The following FGD6 variants were observed in gnomAD, a reference collection of about 807,000 sequenced individuals.
FGD6 encodes the protein FYVE, RhoGEF and PH domain containing 6, also known as FYVE, RhoGEF and PH domain-containing protein 6.
In FGD6, 90 loss-of-function variants were observed where a neutral mutation model predicts 149.4. The observed-to-expected ratio is 0.60, with a 90% CI of 0.51 to 0.72. The LOEUF (loss-of-function observed/expected upper bound fraction) is 0.72, where lower values mean the gene tolerates loss of function less well. Among genes scored for constraint, FGD6 ranks in the 30% least tolerant of loss-of-function variants. The pLI is 0.00. For synonymous variants in FGD6, 527 were observed against 584.0 expected (o/e 0.90, Z 1.41); for missense variants, 1,437 against 1,684.8 (o/e 0.85, Z 2.57).
At chr12:95,189,653 GAA>G (rs10582401) in intron 2 of FGD6, 80,157 of 124,086 alleles carry the variant, frequency 0.65, 24,960 homozygotes, top group Middle Eastern at 0.71. Context: ...TGTTTCATAG[GAA>G]AAAAAAAAAA....
chr12:95,186,034 A>G (rs1213496903), intron 2 of FGD6, among the ~76,000 whole-genome samples: 1 of 152,072 alleles, frequency 6.6e-6, no homozygotes, highest in Non-Finnish European at 1.5e-5. Flanking sequence ...GGCAAGAGGA[A>G]CTGAAAGTTG....
chr12:95,129,299 G>C (rs866288105), intron 8 of FGD6, among the ~76,000 whole-genome samples: 10 of 82,454 alleles, frequency 1.2e-4, no homozygotes, highest in Admixed American at 9.0e-4. Flanking sequence ...ATGCATCCAT[G>C]CATGCATGCA....
intron 8 of FGD6, among the ~76,000 whole-genome samples, chr12:95,118,375 G>C (rs932181611): frequency 6.6e-6 from 1 of 151,134 alleles, no homozygotes; most frequent in Non-Finnish European, 1.5e-5. Flanking sequence ...AAGAGAGAGA[G>C]AGAAAGGATG....
chr12:95,080,796 G>T lies in FGD6; in HGVS notation c.*724C>A, dbSNP rs1197393946. The T allele has an allele frequency of 6.6e-6, 1 of 152,112 alleles. No individual in the cohort carries two copies. Among genetic ancestry groups the T allele is most frequent in the East Asian group, 1.9e-4 (1 of 5,198 alleles). The allele number at this position is 152,112 out of a possible 1,614,324, so 9.4% of individuals were successfully genotyped here. ...TTTAAAAGATTGGACTTAAAAGCCG[G>T]AAGAGTTGGTTATTTGTGGTATTCT... On this transcript the variant is annotated 3_prime_UTR_variant, in exon 21 of 21. Coordinates refer to ENST00000343958, the MANE Select transcript of FGD6 (RefSeq NM_018351.4).
At position 95,152,908 on chromosome 12, in the gene FGD6, T is replaced by C; in HGVS notation, c.2654+18A>G. 6.2e-7 allele frequency: 1 copy of C among 1,613,894 alleles called. No homozygotes were observed. Among genetic ancestry groups the C allele is most frequent in the East Asian group, 2.2e-5 (1 of 44,836 alleles). Reference sequence around the variant, plus strand: ...ATGGGGGGAAAACAGTCTTCTGAATTGTAAACTAGATACCTACACTTTCTC... The same window carrying C: ...ATGGGGGGAAAACAGTCTTCTGAATCGTAAACTAGATACCTACACTTTCTC... On this transcript the variant is annotated intron_variant, in intron 4 of 20. Coordinates refer to ENST00000343958, the MANE Select transcript of FGD6 (RefSeq NM_018351.4).
At chr12:95,102,369 G>A (rs542995386) in intron 14 of FGD6, among the ~76,000 whole-genome samples, 25 of 150,016 alleles carry the variant, frequency 1.7e-4, no homozygotes, top group Non-Finnish European at 3.4e-4. Flanking sequence ...GCTTGAAGCC[G>A]GGAGGCGGGG....
chr12:95,089,391 G>A (rs901472860), intron 18 of FGD6, among the ~76,000 whole-genome samples, 178 bp downstream of exon 18: 2 of 152,160 alleles, frequency 1.3e-5, no homozygotes, highest in Non-Finnish European at 2.9e-5. Flanking sequence ...AATGACTTAG[G>A]TCAGACGGGA....
Position 95,084,505 on chromosome 12 carries a change from C to T in FGD6, c.4249G>A (p.Ala1417Thr), listed in dbSNP as rs1223034061. 1 of 1,559,540 alleles carries T rather than the reference C, an allele frequency of 6.4e-7. No homozygotes were observed. Residue 1417 changes from alanine to threonine, a missense_variant, in exon 20 of 21, where the codon GCT (alanine) becomes ACT (threonine). Physicochemically the swap from Ala to Thr is moderately conservative, Grantham distance 58. Around this residue, in one of 2 missense-constraint regions of FGD6, gnomAD observed 382 missense variants for 538.7 expected, o/e 0.71. Coordinates refer to ENST00000343958, the MANE Select transcript of FGD6 (RefSeq NM_018351.4). ...TATGGCCAGATTACTTACTTCTGAGCCGAATGAGCATCCTCTGCTTTGAAT... is the reference window on the plus strand; with the variant it reads ...TATGGCCAGATTACTTACTTCTGAGTCGAATGAGCATCCTCTGCTTTGAAT... Reference protein sequence around the residue: ...YVFKAEDAHSAQKWIEAFQEG... With the variant: ...YVFKAEDAHSTQKWIEAFQEG...
intron 3 of FGD6, among the ~76,000 whole-genome samples, chr12:95,161,105 A>C (rs943482429): frequency 6.6e-6 from 1 of 152,052 alleles, no homozygotes; most frequent in Non-Finnish European, 1.5e-5. Flanking sequence ...GCTTAAACCA[A>C]GGAGATGGAG....
chr12:95,198,470 C>G (rs1056374681), intron 2 of FGD6, among the ~76,000 whole-genome samples: 1 of 152,116 alleles, frequency 6.6e-6, no homozygotes, highest in Non-Finnish European at 1.5e-5. Flanking sequence ...ACAAGAGTCT[C>G]GCTCTGTCAC....
chr12:95,126,148 T>C (rs1298052071), intron 8 of FGD6: 5 of 1,045,398 alleles, frequency 4.8e-6, no homozygotes, highest in Non-Finnish European at 7.5e-6. Flanking sequence ...GTTAACAAGC[T>C]TCAAAAGGAA....
At chr12:95,212,370 T>C (rs188365941) in intron 1 of FGD6, among the ~76,000 whole-genome samples, 18 of 152,314 alleles carry the variant, frequency 1.2e-4, no homozygotes, top group Admixed American at 5.2e-4. Context: ...CTAAACATTA[T>C]ATATAAGGTA....
At position 95,209,580 on chromosome 12, in the gene FGD6, C is replaced by A; in HGVS notation, c.1704G>T (p.Lys568Asn). 1.2e-6 allele frequency: 2 copies of A among 1,614,120 alleles called. No individual in the cohort carries two copies. Among genetic ancestry groups the A allele is most frequent in the East Asian group, 4.5e-5 (2 of 44,888 alleles). Residue 568 changes from lysine to asparagine, a missense_variant, in exon 2 of 21, where the codon AAG becomes AAT. Transcript: ENST00000343958. Reference sequence around the variant, plus strand: ...AAAAGGGTAAAATAGGATGAGGTAACTTCCACACTGGCTTTTCTGAAGCCC... The same window carrying A: ...AAAAGGGTAAAATAGGATGAGGTAAATTCCACACTGGCTTTTCTGAAGCCC... ...PKRASEKPVW[K>N]LPHPILPFSG...
At chr12:95,126,134 T>A in intron 8 of FGD6, 1 of 1,038,974 alleles carries the variant, frequency 9.6e-7, no homozygotes, top group Admixed American at 1.7e-5. Flanking sequence ...TAATCAAGAA[T>A]GAAGTTAACA....
chr12:95,205,462 G>A (rs1470240046), intron 2 of FGD6, among the ~76,000 whole-genome samples: 2 of 152,152 alleles, frequency 1.3e-5, no homozygotes, highest in African/African-American at 4.8e-5. Flanking sequence ...TTCCCTGAAG[G>A]TTGAGAAACT....
At chr12:95,187,810 T>C (rs538788317) in intron 2 of FGD6, among the ~76,000 whole-genome samples, 1 of 152,306 alleles carries the variant, frequency 6.6e-6, no homozygotes, top group South Asian at 2.1e-4. Context: ...CTAGAGCTCA[T>C]TTTCCATGTT....
intron 3 of FGD6, among the ~76,000 whole-genome samples, chr12:95,162,317 G>C (rs1340800183): frequency 6.6e-6 from 1 of 152,080 alleles, no homozygotes; most frequent in Non-Finnish European, 1.5e-5. Context: ...GAGGCCAGGA[G>C]TTCAAGACCA....
intron 5 of FGD6, among the ~76,000 whole-genome samples, chr12:95,142,114 C>T (rs998639754): frequency 1.4e-4 from 21 of 149,374 alleles, no homozygotes; most frequent in East Asian, 2.0e-4. Context: ...ACTACAGGCG[C>T]GTGCCACCAT....
At chr12:95,146,175 C>T (rs1477851396) in intron 5 of FGD6, among the ~76,000 whole-genome samples, 1 of 152,216 alleles carries the variant, frequency 6.6e-6, no homozygotes, top group African/African-American at 2.4e-5. Context: ...CCAGATGTAA[C>T]TAATTCACAC....
Sources: gnomAD v4.1 joint callset for allele counts (sites outside exome capture counted in the v4.1 genomes callset) on GRCh38, gnomAD v4.1.1 for gene constraint, gnomAD v4.1.1 regional missense constraint, MANE v1.5 for transcripts, NCBI Gene and HGNC (gene_info 2026-07-23, HGNC 2026-07-21) for gene names.